Variants in CDH22 observed in about 807,000 individuals in gnomAD.
CDH22 encodes cadherin 22.
CDH22 carries 30 observed loss-of-function variants against 58.4 expected under a neutral mutation model. That is an observed-to-expected ratio of 0.51 (90% CI 0.38 to 0.70). The LOEUF (loss-of-function observed/expected upper bound fraction) is 0.70. Among genes scored for constraint, CDH22 ranks in the 30% least tolerant of loss-of-function variants. The pLI is 0.00. For missense variants in CDH22, 1,014 were observed against 1,233.9 expected, an observed-to-expected ratio of 0.82 and a Z score of 2.67; for synonymous variants, 513 against 558.2, an observed-to-expected ratio of 0.92 and a Z score of 1.14.
chr20:46,276,287 G>A lies in CDH22; in HGVS notation c.-399-24594C>T, dbSNP rs147868220. 3.9e-3 allele frequency among the ~76,000 whole-genome samples: 595 copies of A among 152,302 alleles called. 5 individuals carry two copies. The highest frequency in any genetic ancestry group is 0.013 in the African/African-American group (553 of 41,572). Reference sequence around the variant, plus strand: ...TAGACATGTTGGTGATCCCTGAAGCGTTTAAACAAGGGAGTGACAGTGATT... The same window carrying A: ...TAGACATGTTGGTGATCCCTGAAGCATTTAAACAAGGGAGTGACAGTGATT... On this transcript the variant is annotated intron_variant, in intron 1 of 11. Transcript: ENST00000537909.
chr20:46,220,836 T>G (rs911850770), intron 4 of CDH22: 12 of 152,518 alleles, frequency 7.9e-5, no homozygotes, highest in African/African-American at 2.6e-4. Flanking sequence ...TTGGGCCCCC[T>G]GGGCCTTGTT....
intron 2 of CDH22, among the ~76,000 whole-genome samples, chr20:46,246,216 C>A (rs936449526): frequency 6.6e-6 from 1 of 152,186 alleles, no homozygotes; most frequent in African/African-American, 2.4e-5. Context: ...AGGATTTAAA[C>A]GGAAAGCAAA....
At chr20:46,224,225 T>G (rs964580213) in intron 4 of CDH22, among the ~76,000 whole-genome samples, 4 of 152,212 alleles carry the variant, frequency 2.6e-5, no homozygotes, top group Non-Finnish European at 5.9e-5. Context: ...GACGTTATGT[T>G]ATATGTGTAC....
chr20:46,295,221 C>A (rs1223309173), intron 1 of CDH22, among the ~76,000 whole-genome samples: 1 of 152,182 alleles, frequency 6.6e-6, no homozygotes, highest in Non-Finnish European at 1.5e-5. Context: ...AAATGAGGCA[C>A]CCCAGTGGTC....
intron 4 of CDH22, among the ~76,000 whole-genome samples, chr20:46,226,767 A>G (rs1351324889): frequency 1.3e-5 from 2 of 152,118 alleles, no homozygotes; most frequent in African/African-American, 4.8e-5. Context: ...CTCCTATCCC[A>G]GGAGCAGTGA....
chr20:46,185,191 G>C (rs994816851), intron 10 of CDH22, among the ~76,000 whole-genome samples: 3 of 151,956 alleles, frequency 2.0e-5, no homozygotes, highest in African/African-American at 7.3e-5. Flanking sequence ...AAAAACCAGA[G>C]AGGAACAGGA....
Position 46,241,219 on chromosome 20 carries a change from C to A in CDH22, c.294G>T (p.Lys98Asn). 6.2e-7 allele frequency: 1 copy of A among 1,612,500 alleles called. No homozygotes were observed. Residue 98 changes from lysine to asparagine, a missense_variant, in exon 3 of 12, where the codon AAG becomes AAT. By Grantham distance (94) the Lys-to-Asn change is moderately conservative. Coordinates refer to ENST00000537909, the MANE Select transcript of CDH22 (RefSeq NM_021248.3). This position sits in a 1 kb window ranked among gnomAD's most constrained non-coding sequence, Gnocchi z 5.2. ...SDSDEGDGAI[K>N]YTISGEGAGT... ...CAGCACCCTCGCCTGAGATGGTGTA[C>A]TTGATGGCCCCGTCACCCTCGTCTG... is the stretch of plus-strand genomic sequence containing the variant.
intron 1 of CDH22, among the ~76,000 whole-genome samples, chr20:46,294,577 C>CG (rs1402898897): frequency 4.6e-5 from 7 of 152,120 alleles, no homozygotes; most frequent in Admixed American, 4.6e-4. Flanking sequence ...CTGACAACCC[C>CG]GGGAAATGGC....
intron 8 of CDH22, 145 bp from the exon 9 acceptor site, chr20:46,187,092 G>T: frequency 1.4e-6 from 1 of 725,196 alleles, no homozygotes; most frequent in Non-Finnish European, 2.2e-6. Context: ...ACCAGAACTG[G>T]GAACATTTGG....
chr20:46,221,631 C>A (rs1245653150), intron 4 of CDH22, among the ~76,000 whole-genome samples: 2 of 152,290 alleles, frequency 1.3e-5, no homozygotes, highest in Admixed American at 1.3e-4. Context: ...TAGTCCCAGG[C>A]GAACCCAGGT....
At chr20:46,293,404 A>G (rs1453729487) in intron 1 of CDH22, among the ~76,000 whole-genome samples, 3 of 151,898 alleles carry the variant, frequency 2.0e-5, no homozygotes, top group African/African-American at 4.8e-5. Flanking sequence ...CCATTTTTCA[A>G]TCCATCCCAG....
intron 8 of CDH22, among the ~76,000 whole-genome samples, chr20:46,198,495 T>C (rs549973307): frequency 7.3e-5 from 11 of 149,738 alleles, no homozygotes; most frequent in Non-Finnish European, 1.5e-4. Context: ...CTGTAGCTAC[T>C]GCCCTGGGCC....
chr20:46,230,052 G>A (rs2086208894), intron 3 of CDH22, among the ~76,000 whole-genome samples: 1 of 152,110 alleles, frequency 6.6e-6, no homozygotes, highest in Admixed American at 6.5e-5. Context: ...ATTCACCACT[G>A]GTTTCCCAGG....
chr20:46,201,653 G>T (rs1479913939), intron 7 of CDH22, among the ~76,000 whole-genome samples: 4 of 152,186 alleles, frequency 2.6e-5, no homozygotes, highest in Non-Finnish European at 5.9e-5. Flanking sequence ...CTGTCCTGGA[G>T]GTGAATGCCT....
chr20:46,262,203 T>TTG (rs1222112392), intron 1 of CDH22, among the ~76,000 whole-genome samples: 24 of 149,692 alleles, frequency 1.6e-4, no homozygotes, highest in African/African-American at 2.7e-4. Context: ...CTGAGTGTAT[T>TTG]TGTGTGTGTG....
In CDH22 at chr20:46,199,558, A is replaced by G; in HGVS notation, c.1288T>C (p.Tyr430His). ...DPDAANRPVR[Y>H]AIDRESDLDQ... Reference sequence around the variant, plus strand: ...AAATCTGATTCGCGGTCAATGGCGTACCTGCGGGGGGCAGGGCAGGGCTGA... The same window carrying G: ...AAATCTGATTCGCGGTCAATGGCGTGCCTGCGGGGGGCAGGGCAGGGCTGA... Residue 430 changes from tyrosine to histidine, a missense_variant and splice_region_variant, in exon 8 of 12, where the codon TAC becomes CAC. By Grantham distance (83) the Tyr-to-His change is moderately conservative (BLOSUM62 2). This residue lies in a region of CDH22 where 806 missense variants were observed against 1,038.7 expected (regional missense o/e 0.78). Coordinates refer to ENST00000537909, the MANE Select transcript of CDH22 (RefSeq NM_021248.3). 1 of 1,613,428 alleles carries G rather than the reference A, an allele frequency of 6.2e-7. No individual in the cohort carries two copies. Among genetic ancestry groups the G allele is most frequent in the Non-Finnish European group, 8.5e-7 (1 of 1,179,786 alleles).
intron 1 of CDH22, among the ~76,000 whole-genome samples, chr20:46,266,464 C>T (rs1600721770): frequency 6.6e-6 from 1 of 152,116 alleles, no homozygotes; most frequent in African/African-American, 2.4e-5. Flanking sequence ...GTGTCTGGGG[C>T]CTCCTAGGAG....
chr20:46,256,457 G>A (rs1443881028), intron 1 of CDH22, among the ~76,000 whole-genome samples: 1 of 152,184 alleles, frequency 6.6e-6, no homozygotes, highest in Non-Finnish European at 1.5e-5. Flanking sequence ...GGAGAAGAGG[G>A]TTTCAAGCTG....
chr20:46,204,844 G>A (rs1425343075), intron 7 of CDH22, among the ~76,000 whole-genome samples: 1 of 152,332 alleles, frequency 6.6e-6, no homozygotes. Context: ...GGGTGCACGT[G>A]TGGTTTTCCT....
Sources: gnomAD v4.1 joint callset for allele counts (sites outside exome capture counted in the v4.1 genomes callset) on GRCh38, gnomAD v4.1.1 for gene constraint, gnomAD v4.1.1 regional missense constraint, Gnocchi (gnomAD v3.1) non-coding constraint, MANE v1.5 for transcripts, NCBI Gene and HGNC (gene_info 2026-07-23, HGNC 2026-07-21) for gene names.